ELFN1: variants seen among roughly 807,000 people sequenced by gnomAD.
ELFN1 encodes the protein extracellular leucine rich repeat and fibronectin type III domain containing 1.
In ELFN1, 6 loss-of-function variants were observed where a neutral mutation model predicts 7.6. The observed-to-expected ratio is 0.79, with a 90% confidence interval of 0.43 to 1.56. The LOEUF is 1.56. Among genes scored for constraint, ELFN1 ranks in the 40% most tolerant of loss-of-function variants. The probability of loss-of-function intolerance (pLI) is 0.01; values close to 1 mark genes in which losing one functional copy is unlikely to be tolerated. For synonymous variants in ELFN1, 657 were observed against 588.1 expected (o/e 1.12, Z -1.70); for missense variants, 1,169 against 1,232.2 (o/e 0.95, Z 0.77).
chr7:1,741,967 TACAC>T (rs796598680), intron 3 of ELFN1, among the ~76,000 whole-genome samples: 120 of 151,914 alleles, frequency 7.9e-4, no homozygotes, highest in African/African-American at 2.8e-3. Flanking sequence ...CACACATCTG[TACAC>T]ACACACAGAC....
At position 1,679,753 on chromosome 7, in the gene ELFN1, C is replaced by T. The variant is rs374785038; in HGVS notation, c.-548-8305C>T. ...GTGCTCAGAATGAGGGTCCCTTCCC[C>T]CTGCCCCCTGGCCACACTCCAACAG... is the stretch of plus-strand genomic sequence containing the variant. On this transcript the variant is annotated intron_variant, in intron 1 of 3. Transcript: ENST00000424383. 2.9e-3 allele frequency among the ~76,000 whole-genome samples: 448 copies of T among 152,306 alleles called. 1 individual carries two copies. The highest frequency in any genetic ancestry group is 8.0e-3 in the Admixed American group (122 of 15,306).
chr7:1,685,783 TTTATA>T (rs1779051594), intron 1 of ELFN1, among the ~76,000 whole-genome samples: 2 of 148,946 alleles, frequency 1.3e-5, no homozygotes, highest in Non-Finnish European at 3.0e-5. Flanking sequence ...CGTTGAAAGA[TTTATA>T]TTATATAATA....
chr7:1,697,630 G>A (rs1029510706), intron 2 of ELFN1, among the ~76,000 whole-genome samples: 1 of 151,968 alleles, frequency 6.6e-6, no homozygotes, highest in Non-Finnish European at 1.5e-5. Flanking sequence ...AACAACTGCT[G>A]TGTGATCTGA....
intron 2 of ELFN1, chr7:1,693,903 C>A (rs1779239116): frequency 5.0e-6 from 2 of 402,172 alleles, no homozygotes; most frequent in South Asian, 3.7e-5. Context: ...CATGCCACCT[C>A]CTCCTGCGTG....
intron 2 of ELFN1, among the ~76,000 whole-genome samples, chr7:1,700,008 GTCT>G (rs1178629566): frequency 1.3e-5 from 2 of 152,162 alleles, no homozygotes; most frequent in African/African-American, 4.8e-5. Flanking sequence ...CCTCATCATT[GTCT>G]TCTTATTGAA....
chr7:1,719,558 C>T (rs951552998), intron 3 of ELFN1, among the ~76,000 whole-genome samples: 1 of 152,202 alleles, frequency 6.6e-6, no homozygotes, highest in African/African-American at 2.4e-5. Context: ...CCCCGCAGTG[C>T]CCTCCCTCCC....
chr7:1,681,433 G>C (rs1778973777), intron 1 of ELFN1, among the ~76,000 whole-genome samples: 1 of 152,040 alleles, frequency 6.6e-6, no homozygotes, highest in African/African-American at 2.4e-5. Context: ...CTTAATCTTG[G>C]CTCACTGCAA....
intron 3 of ELFN1, among the ~76,000 whole-genome samples, chr7:1,722,352 C>T (rs1365178197): frequency 1.3e-5 from 2 of 151,416 alleles, no homozygotes; most frequent in East Asian, 3.9e-4. Context: ...CTGCAACCTC[C>T]GCCTCCTGGA....
intron 3 of ELFN1, among the ~76,000 whole-genome samples, chr7:1,725,385 G>A (rs1780160045): frequency 1.3e-5 from 2 of 152,138 alleles, no homozygotes; most frequent in Admixed American, 1.3e-4. Context: ...GCGCAGGCGA[G>A]GCCGGTGACA....
intron 3 of ELFN1, among the ~76,000 whole-genome samples, chr7:1,743,137 G>A (rs12670548): frequency 0.46 from 70,264 of 151,932 alleles, 16,554 homozygotes; most frequent in South Asian, 0.55. Context: ...CTCGCTCCCC[G>A]GACGTACCTC....
Position 1,745,775 on chromosome 7 carries a change from C to G in ELFN1, c.1179C>G (p.Thr393=), listed in dbSNP as rs1049369719. 7 of 1,554,166 alleles carry G rather than the reference C, an allele frequency of 4.5e-6. No individual in the cohort carries two copies. The highest frequency in any genetic ancestry group is 5.2e-6 in the Non-Finnish European group (6 of 1,149,460). ...GCGCCGGGCTGCGCCACAACCACAC[C>G]TGCCTCACCATCTGCTTGCCCCGGC... The part of the protein sequence containing the change: ...STSAGLRHNH[T]CLTICLPRLP... Residue 393 remains threonine, a synonymous_variant, in exon 4 of 4, where the codon ACC becomes ACG. Coordinates refer to ENST00000424383, the MANE Select transcript of ELFN1 (RefSeq NM_001128636.4).
At chr7:1,711,463 G>A (rs1779648529) in intron 3 of ELFN1, among the ~76,000 whole-genome samples, 1 of 151,998 alleles carries the variant, frequency 6.6e-6, no homozygotes, top group African/African-American at 2.4e-5. Flanking sequence ...AGGAGGAGAT[G>A]AGAGAGGAAC....
At chr7:1,667,854 C>T (rs985474264), upstream of ELFN1, among the ~76,000 whole-genome samples, 1 of 151,676 alleles carries the variant, frequency 6.6e-6, no homozygotes, top group Non-Finnish European at 1.5e-5. This position sits in a 1 kb window ranked among gnomAD's most constrained non-coding sequence, Gnocchi z 8.2. Context: ...GCGGCGGCGC[C>T]GGCGTCCGGG....
intron 3 of ELFN1, among the ~76,000 whole-genome samples, chr7:1,725,944 A>G (rs938519968): frequency 6.9e-6 from 1 of 144,340 alleles, no homozygotes; most frequent in Non-Finnish European, 1.5e-5. Context: ...TCACAAATAC[A>G]CACGCACAAA....
At chr7:1,707,012 C>T (rs966444379) in intron 2 of ELFN1, among the ~76,000 whole-genome samples, 2 of 152,178 alleles carry the variant, frequency 1.3e-5, no homozygotes, top group African/African-American at 2.4e-5. Context: ...GTGCAACACA[C>T]GTACACGTGT....
At position 1,747,056 on chromosome 7, in the gene ELFN1, G is replaced by A; in HGVS notation, c.2460G>A (p.Lys820=). The change falls in exon 4 of 4, where the codon AAG becomes AAA. Residue 820 remains lysine (K), a synonymous_variant. Transcript: ENST00000424383. Reference sequence around the variant, plus strand: ...TGCACGACATCCTGGACTACTGGAAGGGCGTGTCGGCCCAGCACAAGTCCT... The same window carrying A: ...TGCACGACATCCTGGACTACTGGAAAGGCGTGTCGGCCCAGCACAAGTCCT... ...EDLHDILDYW[K]GVSAQHKS 6.6e-7 allele frequency: 1 copy of A among 1,524,298 alleles called. No individual in the cohort carries two copies. Among genetic ancestry groups the A allele is most frequent in the Non-Finnish European group, 8.8e-7 (1 of 1,130,098 alleles). 94.4% of individuals were successfully genotyped at this position (1,524,298 alleles called of 1,614,324 possible). A position where few individuals can be genotyped will look rare whatever the true frequency, so the allele number is the denominator to read the frequency against.
rs2128573261 is a variant in ELFN1, at chr7:1,673,326, G to T, written c.-549+2972G>T. ...CTATGTCTGGCGTCTGTGTCCTGTT[G>T]TGTTGGTTCAGGTCAGGGGATTCCA... On this transcript the variant is annotated intron_variant, in intron 1 of 3. Coordinates refer to ENST00000424383, the MANE Select transcript of ELFN1 (RefSeq NM_001128636.4). The surrounding 1 kb of genome is among the most constrained non-coding windows in gnomAD (Gnocchi z 4.7). 6.6e-6 allele frequency among the ~76,000 whole-genome samples: 1 copy of T among 152,314 alleles called. No individual in the cohort carries two copies. Among genetic ancestry groups the T allele is most frequent in the East Asian group, 1.9e-4 (1 of 5,172 alleles).
intron 3 of ELFN1, among the ~76,000 whole-genome samples, chr7:1,733,104 T>C (rs6460808): frequency 0.012 from 1,868 of 152,262 alleles, 43 homozygotes; most frequent in African/African-American, 0.042. Context: ...TTTCACCATG[T>C]TGGCCAGGCT....
Position 1,745,763 on chromosome 7 carries a change from C to T in ELFN1, c.1167C>T (p.Arg389=). 6.4e-7 allele frequency: 1 copy of T among 1,552,512 alleles called. No individual in the cohort carries two copies. Among genetic ancestry groups the T allele is most frequent in the Non-Finnish European group, 8.7e-7 (1 of 1,148,308 alleles). Residue 389 remains arginine (R), a synonymous_variant, in exon 4 of 4, where the codon CGC becomes CGT. Coordinates refer to ENST00000424383, the MANE Select transcript of ELFN1 (RefSeq NM_001128636.4). ...TGGTGTCCACCAGCGCCGGGCTGCG[C>T]CACAACCACACCTGCCTCACCATCT... The part of the protein sequence containing the change: ...YCVVSTSAGL[R]HNHTCLTICL...
Sources: gnomAD v4.1 joint callset for allele counts (sites outside exome capture counted in the v4.1 genomes callset) on GRCh38, gnomAD v4.1.1 for gene constraint, Gnocchi (gnomAD v3.1) non-coding constraint, MANE v1.5 for transcripts, NCBI Gene and HGNC (gene_info 2026-07-23, HGNC 2026-07-21) for gene names.